COL8A1: variants seen among roughly 807,000 people sequenced by gnomAD.
COL8A1 encodes the protein collagen alpha-1(VIII) chain.
Under a neutral mutation model 42.7 loss-of-function variants are expected in COL8A1, and 21 were observed. The observed-to-expected ratio is 0.49, with a 90% CI of 0.35 to 0.71. The LOEUF (loss-of-function observed/expected upper bound fraction) is 0.71. COL8A1 is among the 30% of genes least tolerant of loss of function. The probability of loss-of-function intolerance (pLI) is 0.01; values close to 1 mark genes in which losing one functional copy is unlikely to be tolerated. For synonymous variants in COL8A1, 367 were observed against 369.1 expected (o/e 0.99, Z 0.06); for missense variants, 788 against 962.4 (o/e 0.82, Z 2.40).
At chr3:99,726,314 C>G (rs1576449740) in intron 1 of COL8A1, among the ~76,000 whole-genome samples, 1 of 151,672 alleles carries the variant, frequency 6.6e-6, no homozygotes, top group Middle Eastern at 3.4e-3. Context: ...GATATTAGCC[C>G]TTTGTCATAT....
chr3:99,644,121 A>G (rs953449893), intron 1 of COL8A1, among the ~76,000 whole-genome samples: 3 of 152,186 alleles, frequency 2.0e-5, no homozygotes, highest in African/African-American at 7.2e-5. Flanking sequence ...AAATGCTACA[A>G]GAGATTTTAA....
chr3:99,650,625 G>C (rs1937814799), intron 1 of COL8A1, among the ~76,000 whole-genome samples: 1 of 151,910 alleles, frequency 6.6e-6, no homozygotes, highest in Non-Finnish European at 1.5e-5. Context: ...ATAGAGACAG[G>C]GTTTCACCAT....
intron 1 of COL8A1, among the ~76,000 whole-genome samples, chr3:99,716,555 A>G (rs2107363714): frequency 6.6e-6 from 1 of 152,166 alleles, no homozygotes; most frequent in South Asian, 2.1e-4. Context: ...AATTTCAATC[A>G]GCATAGTCTG....
intron 2 of COL8A1, among the ~76,000 whole-genome samples, chr3:99,765,965 T>C (rs1466345954): frequency 6.6e-6 from 1 of 152,330 alleles, no homozygotes; most frequent in South Asian, 2.1e-4. Context: ...AGTATTTATA[T>C]ATCAAATGTT....
chr3:99,748,353 G>C (rs901125616), intron 2 of COL8A1, among the ~76,000 whole-genome samples: 1 of 152,158 alleles, frequency 6.6e-6, no homozygotes, highest in Admixed American at 6.5e-5. Context: ...TGTGCTGTGA[G>C]TGTGAAATAT....
intron 2 of COL8A1, among the ~76,000 whole-genome samples, chr3:99,764,829 T>C (rs745861404): frequency 3.1e-4 from 47 of 150,170 alleles, no homozygotes; most frequent in Non-Finnish European, 4.7e-4. Context: ...AGTTAACCAA[T>C]ATAGGTGCTT....
At chr3:99,665,673 C>CTTTT (rs67004417) in intron 1 of COL8A1, among the ~76,000 whole-genome samples, 31 of 70,232 alleles carry the variant, frequency 4.4e-4, no homozygotes, top group Admixed American at 5.7e-4. Context: ...TGAATTAATT[C>CTTTT]TTTTTTTTTT....
At chr3:99,677,482 G>A (rs1194379694) in intron 1 of COL8A1, among the ~76,000 whole-genome samples, 4 of 152,050 alleles carry the variant, frequency 2.6e-5, no homozygotes, top group Non-Finnish European at 5.9e-5. Context: ...TTTACAGGGA[G>A]AGTGAAAAAT....
At chr3:99,664,830 C>T (rs1938315049) in intron 1 of COL8A1, among the ~76,000 whole-genome samples, 1 of 152,256 alleles carries the variant, frequency 6.6e-6, no homozygotes, top group Non-Finnish European at 1.5e-5. Flanking sequence ...CATGCAGCCC[C>T]AGTGCTGCTT....
At chr3:99,735,735 C>T (rs999703650) in intron 1 of COL8A1, among the ~76,000 whole-genome samples, 3 of 151,806 alleles carry the variant, frequency 2.0e-5, no homozygotes, top group African/African-American at 7.3e-5. Flanking sequence ...GGTACCAGCT[C>T]CTCCTTGTAC....
At chr3:99,676,253 C>T (rs929492465) in intron 1 of COL8A1, among the ~76,000 whole-genome samples, 2 of 152,098 alleles carry the variant, frequency 1.3e-5, no homozygotes, top group East Asian at 3.8e-4. Context: ...GATGAAATAA[C>T]ACCAATTTCA....
At chr3:99,667,778 G>A (rs906214006) in intron 1 of COL8A1, among the ~76,000 whole-genome samples, 1 of 152,106 alleles carries the variant, frequency 6.6e-6, no homozygotes, top group African/African-American at 2.4e-5. Flanking sequence ...AAATGGGCAG[G>A]TGGGTAGCTC....
At chr3:99,734,381 T>C (rs955040607) in intron 1 of COL8A1, among the ~76,000 whole-genome samples, 6 of 144,276 alleles carry the variant, frequency 4.2e-5, no homozygotes, top group African/African-American at 1.6e-4. Context: ...TAGCCAGTTT[T>C]CCCAGCACCA....
intron 1 of COL8A1, among the ~76,000 whole-genome samples, chr3:99,702,274 T>A (rs947845538): frequency 6.6e-6 from 1 of 152,224 alleles, no homozygotes; most frequent in Admixed American, 6.5e-5. Flanking sequence ...AAATAGAGCC[T>A]TGGTCTGAGT....
chr3:99,712,873 C>T (rs748245478), intron 1 of COL8A1, among the ~76,000 whole-genome samples: 1 of 152,092 alleles, frequency 6.6e-6, no homozygotes, highest in Non-Finnish European at 1.5e-5. Flanking sequence ...CAACTGAAGT[C>T]TATAACAGAC....
intron 2 of COL8A1, among the ~76,000 whole-genome samples, chr3:99,789,573 A>G (rs1463954300): frequency 1.3e-5 from 2 of 152,180 alleles, no homozygotes; most frequent in African/African-American, 4.8e-5. Flanking sequence ...TGCATTTGCC[A>G]ACAATGCACT....
At chr3:99,700,475 A>G (rs2107345958) in intron 1 of COL8A1, among the ~76,000 whole-genome samples, 1 of 152,146 alleles carries the variant, frequency 6.6e-6, no homozygotes. Flanking sequence ...TGGTACGTGA[A>G]GTCACCTTTT....
At chr3:99,685,986 C>CTCA (rs1283244612) in intron 1 of COL8A1, among the ~76,000 whole-genome samples, 1 of 152,088 alleles carries the variant, frequency 6.6e-6, no homozygotes, top group Non-Finnish European at 1.5e-5. Context: ...TATTATCTCC[C>CTCA]TCATCAAGTA....
In COL8A1 at chr3:99,753,048, T is replaced by G. The variant is rs138777221; in HGVS notation, c.-4+8027T>G. 6.3e-3 allele frequency among the ~76,000 whole-genome samples: 957 copies of G among 152,270 alleles called. 12 individuals are homozygous for G. The highest frequency in any genetic ancestry group is 0.022 in the African/African-American group (919 of 41,542). On this transcript the variant is annotated intron_variant, in intron 2 of 3. Coordinates refer to ENST00000652472, the MANE Select transcript of COL8A1 (RefSeq NM_020351.4). Reference sequence around the variant, plus strand: ...AATGGGAGGACTGGGCAAAATGTTATCTGAGGACCCTTCCAGCACCAACCT... The same window carrying G: ...AATGGGAGGACTGGGCAAAATGTTAGCTGAGGACCCTTCCAGCACCAACCT...
Sources: gnomAD v4.1 joint callset for allele counts (sites outside exome capture counted in the v4.1 genomes callset) on GRCh38, gnomAD v4.1.1 for gene constraint, MANE v1.5 for transcripts, NCBI Gene and HGNC (gene_info 2026-07-23, HGNC 2026-07-21) for gene names.